PPP3R1: variants seen among roughly 807,000 people sequenced by gnomAD.
PPP3R1 encodes protein phosphatase 3 regulatory subunit B, alpha, also known as calcineurin subunit B type 1.
A neutral mutation model predicts 22.6 loss-of-function variants in PPP3R1; 5 were observed. That is an observed-to-expected ratio of 0.22 (90% confidence interval 0.12 to 0.46). The LOEUF (loss-of-function observed/expected upper bound fraction) is 0.46. Ranked by LOEUF, PPP3R1 falls within the 20% of genes least tolerant of loss-of-function variation. The pLI is 0.99. For missense variants in PPP3R1, 61 were observed against 203.2 expected, an observed-to-expected ratio of 0.30 and a Z score of 4.25; for synonymous variants, 56 against 65.2, an observed-to-expected ratio of 0.86 and a Z score of 0.68.
intron 1 of PPP3R1, among the ~76,000 whole-genome samples, chr2:68,224,216 A>G (rs1450791824): frequency 2.0e-5 from 3 of 152,248 alleles, no homozygotes; most frequent in Admixed American, 6.5e-5. Context: ...ATCTGCATAT[A>G]GAAGACAATC....
At chr2:68,234,597 A>G (rs1456623389) in intron 1 of PPP3R1, among the ~76,000 whole-genome samples, 2 of 152,164 alleles carry the variant, frequency 1.3e-5, no homozygotes, top group African/African-American at 2.4e-5. Flanking sequence ...TGTCTTCCAT[A>G]TATCTAAAAC....
intron 2 of PPP3R1, among the ~76,000 whole-genome samples, 162 bp downstream of exon 2, chr2:68,216,930 T>G (rs1030606933): frequency 3.9e-5 from 6 of 152,126 alleles, no homozygotes; most frequent in Non-Finnish European, 8.8e-5. Context: ...ATAGACTGTA[T>G]GTCAAATTCA....
intron 1 of PPP3R1, among the ~76,000 whole-genome samples, chr2:68,248,253 G>C (rs1670274235): frequency 6.6e-6 from 1 of 152,084 alleles, no homozygotes. Flanking sequence ...ATTTCTTCCA[G>C]GAAACTTTAA....
intron 5 of PPP3R1, 98 bp downstream of exon 5, chr2:68,186,370 A>C: frequency 2.5e-6 from 3 of 1,205,540 alleles, no homozygotes; most frequent in Non-Finnish European, 3.5e-6. Flanking sequence ...TCAAATACTT[A>C]AGTTTTTAGG....
chr2:68,209,080 C>T (rs1669403865), intron 2 of PPP3R1, among the ~76,000 whole-genome samples: 1 of 150,178 alleles, frequency 6.7e-6, no homozygotes, highest in Non-Finnish European at 1.5e-5. Context: ...GGAAGTTGGC[C>T]GGGCGCGGTG....
At chr2:68,251,760 TC>T (rs1316046947) in intron 1 of PPP3R1, among the ~76,000 whole-genome samples, 9 of 149,524 alleles carry the variant, frequency 6.0e-5, no homozygotes, top group Non-Finnish European at 1.3e-4. Context: ...AGGGGGGTGC[TC>T]CACGTGGAGG....
intron 2 of PPP3R1, among the ~76,000 whole-genome samples, chr2:68,192,734 A>C (rs567599808): frequency 6.6e-6 from 1 of 152,174 alleles, no homozygotes; most frequent in Admixed American, 6.5e-5. Flanking sequence ...AATTCAGCCA[A>C]ACGGCTAGCT....
In PPP3R1 at chr2:68,252,174, T is replaced by C. The variant is rs1464203050; in HGVS notation, c.-47A>G. On this transcript the variant is annotated 5_prime_UTR_variant, in exon 1 of 6. Transcript: ENST00000234310. ...TCGCTGGCTCGCTGGCTCGGAGAAG[T>C]GTTGCGCTCAGGCTGGCTCGCAGGA... 3 of 1,373,550 alleles carry C rather than the reference T, an allele frequency of 2.2e-6. No homozygotes were observed. Among genetic ancestry groups the C allele is most frequent in the Non-Finnish European group, 2.9e-6 (3 of 1,040,912 alleles). The allele number at this position is 1,373,550 out of a possible 1,614,324, so 85.1% of individuals were successfully genotyped here. A position where few individuals can be genotyped will look rare whatever the true frequency, so the allele number is the denominator to read the frequency against.
At chr2:68,194,961 A>C (rs1226747645) in intron 2 of PPP3R1, among the ~76,000 whole-genome samples, 1 of 152,148 alleles carries the variant, frequency 6.6e-6, no homozygotes, top group African/African-American at 2.4e-5. Flanking sequence ...AATATTTTGA[A>C]AGAAACAACT....
rs566081722 is a variant in PPP3R1 at position 68,198,287 on chromosome 2, G to A, written c.44-9597C>T. The stretch of plus-strand genomic sequence containing the variant: ...CATACATATGTGTATGCATGTATGT[G>A]TATACACATGTATACATGTATACAT... On this transcript the variant is annotated intron_variant, in intron 2 of 5. Transcript: ENST00000234310. 9.6e-4 allele frequency among the ~76,000 whole-genome samples: 132 copies of A among 137,942 alleles called. 4 individuals are homozygous for A. The highest frequency in any genetic ancestry group is 3.8e-3 in the African/African-American group (124 of 32,864). 90.5% of individuals were successfully genotyped at this position (137,942 alleles called of 152,430 possible).
chr2:68,231,762 T>TGC (rs1669905557), intron 1 of PPP3R1, among the ~76,000 whole-genome samples: 1 of 152,122 alleles, frequency 6.6e-6, no homozygotes, highest in Non-Finnish European at 1.5e-5. Flanking sequence ...TAAAGTAGGG[T>TGC]GCTTCTGTTT....
At chr2:68,218,271 G>C (rs1003195460) in intron 1 of PPP3R1, among the ~76,000 whole-genome samples, 2 of 151,934 alleles carry the variant, frequency 1.3e-5, no homozygotes, top group African/African-American at 2.4e-5. Flanking sequence ...TAGTATGACT[G>C]GCTGGCTTTT....
chr2:68,187,470 CAACA>C (rs763133576), intron 3 of PPP3R1, among the ~76,000 whole-genome samples, 156 bp from the exon 4 acceptor site: 1 of 152,146 alleles, frequency 6.6e-6, no homozygotes, highest in Non-Finnish European at 1.5e-5. Context: ...TTTGAAACCT[CAACA>C]AACAAGGTCT....
intron 1 of PPP3R1, among the ~76,000 whole-genome samples, chr2:68,221,319 G>A (rs2103777499): frequency 6.6e-6 from 1 of 151,862 alleles, no homozygotes; most frequent in Non-Finnish European, 1.5e-5. Flanking sequence ...AACAGAGCGA[G>A]ACTCCACCTC....
At chr2:68,220,422 CTAGGAA>C (rs1669665997) in intron 1 of PPP3R1, among the ~76,000 whole-genome samples, 1 of 152,138 alleles carries the variant, frequency 6.6e-6, no homozygotes, top group Non-Finnish European at 1.5e-5. Flanking sequence ...TTGCACAGAG[CTAGGAA>C]TAGTTCATGA....
At chr2:68,239,688 G>A (rs1407870661) in intron 1 of PPP3R1, among the ~76,000 whole-genome samples, 1 of 152,096 alleles carries the variant, frequency 6.6e-6, no homozygotes. Context: ...GAAAAAACAA[G>A]GAATTTGTGC....
intron 5 of PPP3R1, among the ~76,000 whole-genome samples, chr2:68,183,662 A>G (rs1572949427): frequency 6.6e-6 from 1 of 152,230 alleles, no homozygotes; most frequent in Admixed American, 6.5e-5. Context: ...TTCAATATAC[A>G]ATATCCCCAA....
chr2:68,233,332 A>C (rs1669955201), intron 1 of PPP3R1, among the ~76,000 whole-genome samples: 1 of 152,212 alleles, frequency 6.6e-6, no homozygotes, highest in South Asian at 2.1e-4. Flanking sequence ...ATGCTTTTAT[A>C]AGTAATTATT....
At chr2:68,195,818 A>C (rs1183316387) in intron 2 of PPP3R1, among the ~76,000 whole-genome samples, 1 of 152,122 alleles carries the variant, frequency 6.6e-6, no homozygotes, top group Admixed American at 6.5e-5. Flanking sequence ...TTTGTTAGTC[A>C]AATTGTTCCA....
Sources: gnomAD v4.1 joint callset for allele counts (sites outside exome capture counted in the v4.1 genomes callset) on GRCh38, gnomAD v4.1.1 for gene constraint, MANE v1.5 for transcripts, NCBI Gene and HGNC (gene_info 2026-07-23, HGNC 2026-07-21) for gene names.